The following FNDC3B variants were observed in gnomAD, a reference collection of about 807,000 sequenced individuals.
FNDC3B encodes fibronectin type III domain-containing protein 3B.
Under a neutral mutation model 151.5 loss-of-function variants are expected in FNDC3B, and 12 were observed. That is an observed-to-expected ratio of 0.08 (90% CI 0.05 to 0.13). FNDC3B has a LOEUF of 0.13. FNDC3B is among the 10% of genes least tolerant of loss of function. The probability of loss-of-function intolerance (pLI) is 1.00; values close to 1 mark genes in which losing one functional copy is unlikely to be tolerated. For missense variants in FNDC3B, 1,214 were observed against 1,505.3 expected, an observed-to-expected ratio of 0.81 and a Z score of 3.20; for synonymous variants, 528 against 549.0, an observed-to-expected ratio of 0.96 and a Z score of 0.54.
chr3:172,085,691 C>CT (rs1449392227), intron 1 of FNDC3B, among the ~76,000 whole-genome samples: 3 of 152,166 alleles, frequency 2.0e-5, no homozygotes, highest in Non-Finnish European at 2.9e-5. Context: ...GAGGTCTAGA[C>CT]TTTTTATGAT....
At chr3:172,229,824 A>G (rs1227061047) in intron 4 of FNDC3B, among the ~76,000 whole-genome samples, 1 of 152,236 alleles carries the variant, frequency 6.6e-6, no homozygotes, top group Non-Finnish European at 1.5e-5. Context: ...GAAAATAACA[A>G]TGAGACTGAT....
rs67607043 is a variant in FNDC3B at position 172,129,788 on chromosome 3, AT to A, written c.112-3682del. Among the ~76,000 whole-genome samples the A allele has an allele frequency of 5.1e-3, 766 of 151,070 alleles. 3 individuals carry two copies. The highest frequency in any genetic ancestry group is 8.8e-3 in the Non-Finnish European group (591 of 67,492). ...TTCTTAAGATCTCTGGAGAAAAAAA[AT>A]ATCTAGTTAAAATCTTTGTCTTTTT... On this transcript the variant is annotated intron_variant, in intron 2 of 25. Transcript: ENST00000415807.
At chr3:172,376,849 T>TA (rs752232518) in intron 23 of FNDC3B, among the ~76,000 whole-genome samples, 1,643 of 117,796 alleles carry the variant, frequency 0.014, 15 homozygotes, top group African/African-American at 0.04. Context: ...CAGGCTTTGT[T>TA]AAAAAAAAAA....
At chr3:172,079,411 C>T (rs922383749) in intron 1 of FNDC3B, among the ~76,000 whole-genome samples, 4 of 152,134 alleles carry the variant, frequency 2.6e-5, no homozygotes, top group African/African-American at 9.7e-5. Flanking sequence ...GATGCTTCTG[C>T]TAGTTTAATA....
At chr3:172,297,652 T>G (rs761778628) in intron 8 of FNDC3B, among the ~76,000 whole-genome samples, 16 of 152,110 alleles carry the variant, frequency 1.1e-4, no homozygotes, top group Non-Finnish European at 1.5e-4. Flanking sequence ...TTTTTTGTAT[T>G]TTTAGTAGAG....
chr3:172,199,346 A>AT (rs1387665492), intron 3 of FNDC3B, among the ~76,000 whole-genome samples: 1 of 148,512 alleles, frequency 6.7e-6, no homozygotes, highest in African/African-American at 2.5e-5. Flanking sequence ...CGCCTGGCTA[A>AT]TTTTTTGTAT....
intron 11 of FNDC3B, among the ~76,000 whole-genome samples, chr3:172,313,326 G>A (rs984635179): frequency 6.6e-6 from 1 of 152,192 alleles, no homozygotes; most frequent in Non-Finnish European, 1.5e-5. Context: ...TAGGAAATAT[G>A]GGTTCTGTTC....
intron 3 of FNDC3B, among the ~76,000 whole-genome samples, chr3:172,186,296 G>C (rs761416005): frequency 8.5e-5 from 13 of 152,138 alleles, no homozygotes; most frequent in Non-Finnish European, 1.8e-4. Flanking sequence ...GATTACAAGT[G>C]CTTTTCTCCT....
At chr3:172,310,314 G>A (rs1731403827) in intron 10 of FNDC3B, among the ~76,000 whole-genome samples, 1 of 152,116 alleles carries the variant, frequency 6.6e-6, no homozygotes. Flanking sequence ...TCTATCCAGA[G>A]GATCACATTT....
At position 172,160,312 on chromosome 3, in the gene FNDC3B, C is replaced by T. The variant is rs143433114; in HGVS notation, c.187+26766C>T. Among the ~76,000 whole-genome samples the T allele has an allele frequency of 2.7e-4, 41 of 152,238 alleles. No individual in the cohort carries two copies. In the East Asian group the frequency reaches 6.9e-3, roughly 26 times the overall value. ...GATTTTGGCTTCCCACTTACAGGGG[C>T]GGAGCTGCCTCTTGTGCCTCCCAGG... On this transcript the variant is annotated intron_variant, in intron 3 of 25. Coordinates refer to ENST00000415807, the MANE Select transcript of FNDC3B (RefSeq NM_022763.4).
chr3:172,384,349 A>C (rs1186625922), intron 25 of FNDC3B, among the ~76,000 whole-genome samples: 1 of 152,190 alleles, frequency 6.6e-6, no homozygotes, highest in African/African-American at 2.4e-5. Flanking sequence ...ATTTTATACG[A>C]TATATTCCAT....
intron 7 of FNDC3B, among the ~76,000 whole-genome samples, chr3:172,293,313 G>A (rs1047627230): frequency 1.3e-5 from 2 of 152,168 alleles, no homozygotes; most frequent in African/African-American, 2.4e-5. Flanking sequence ...TCACAGCATC[G>A]TGGTGCAGAT....
chr3:172,392,631 G>A (rs1160528733), intron 25 of FNDC3B, among the ~76,000 whole-genome samples: 1 of 152,042 alleles, frequency 6.6e-6, no homozygotes, highest in African/African-American at 2.4e-5. Flanking sequence ...CTGGGCTTTA[G>A]AAACATGTAG....
chr3:172,158,902 C>G (rs1268435968), intron 3 of FNDC3B, among the ~76,000 whole-genome samples: 1 of 152,128 alleles, frequency 6.6e-6, no homozygotes, highest in Non-Finnish European at 1.5e-5. Context: ...TCTTCCTTTC[C>G]CACCTCCTCT....
intron 6 of FNDC3B, among the ~76,000 whole-genome samples, chr3:172,257,219 C>A (rs1273548499): frequency 6.6e-6 from 1 of 152,176 alleles, no homozygotes. Flanking sequence ...CCTCCAAACA[C>A]TTTTTTATGT....
At chr3:172,103,437 G>T (rs555586989) in intron 1 of FNDC3B, among the ~76,000 whole-genome samples, 1 of 151,986 alleles carries the variant, frequency 6.6e-6, no homozygotes, top group South Asian at 2.1e-4. Flanking sequence ...TTTTCTCCCC[G>T]AGAAAATAGT....
chr3:172,302,022 C>T (rs1325242670), intron 9 of FNDC3B: 2 of 152,136 alleles, frequency 1.3e-5, no homozygotes, highest in Non-Finnish European at 1.5e-5. Context: ...AATATTGCAA[C>T]ATTTTGATTA....
At chr3:172,368,184 C>T (rs572704306) in intron 23 of FNDC3B, among the ~76,000 whole-genome samples, 2 of 151,438 alleles carry the variant, frequency 1.3e-5, no homozygotes, top group African/African-American at 2.4e-5. Context: ...GTGGGAGGAT[C>T]CCTTGAACCT....
chr3:172,043,909 T>C (rs995961200), intron 1 of FNDC3B, among the ~76,000 whole-genome samples: 3 of 152,212 alleles, frequency 2.0e-5, no homozygotes, highest in Non-Finnish European at 4.4e-5. Flanking sequence ...AAGTCACTAA[T>C]AGAAAGCTGA....
Sources: gnomAD v4.1 joint callset for allele counts (sites outside exome capture counted in the v4.1 genomes callset) on GRCh38, gnomAD v4.1.1 for gene constraint, MANE v1.5 for transcripts, NCBI Gene and HGNC (gene_info 2026-07-23, HGNC 2026-07-21) for gene names.